The following STX8 variants were observed in gnomAD, a reference collection of about 807,000 sequenced individuals.
STX8 encodes syntaxin 8.
STX8 carries 23 observed loss-of-function variants against 37.5 expected under a neutral mutation model. That is an observed-to-expected ratio of 0.61 (90% CI 0.44 to 0.87). The LOEUF (loss-of-function observed/expected upper bound fraction) is 0.87, where lower values mean the gene tolerates loss of function less well. STX8 is among the 40% of genes least tolerant of loss of function. STX8 has a pLI of 0.00. For synonymous variants in STX8, 115 were observed against 99.1 expected (o/e 1.16, Z -0.95); for missense variants, 313 against 284.7 (o/e 1.10, Z -0.71).
rs189594481 is a variant in STX8, at chr17:9,355,441, C to A, written c.643+23111G>T. Among the ~76,000 whole-genome samples, 22 of 149,026 alleles carry A rather than the reference C, an allele frequency of 1.5e-4. No individual in the cohort carries two copies. In the East Asian group the frequency reaches 4.4e-3, roughly 30 times the overall value. On this transcript the variant is annotated intron_variant, in intron 7 of 7. Transcript: ENST00000306357. ...CCTTGACCTCCTGGGCTCAAGCAAT[C>A]TCCTCTCGCCTGTCTCCTGAATAGC... is the stretch of plus-strand genomic sequence containing the variant.
intron 6 of STX8, among the ~76,000 whole-genome samples, chr17:9,430,815 A>C (rs1415170626): frequency 6.6e-6 from 1 of 151,856 alleles, no homozygotes; most frequent in African/African-American, 2.4e-5. Context: ...ATGCCTGGCT[A>C]ATTTTTTGTA....
At position 9,433,173 on chromosome 17, in the gene STX8, C is replaced by T. The variant is rs113166880; in HGVS notation, c.542-54520G>A. Among the ~76,000 whole-genome samples, 73 of 152,320 alleles carry T rather than the reference C, an allele frequency of 4.8e-4. 1 individual carries two copies. The highest frequency in any genetic ancestry group is 9.1e-4 in the African/African-American group (38 of 41,576). ...TCATAATGCACTCCTAAGATTTATT[C>T]TTTGACACTAGCGTTTTGATGTGGA... On this transcript the variant is annotated intron_variant, in intron 6 of 7. Transcript: ENST00000306357.
At chr17:9,376,203 G>A (rs985233035) in intron 7 of STX8, among the ~76,000 whole-genome samples, 1 of 152,068 alleles carries the variant, frequency 6.6e-6, no homozygotes, top group Non-Finnish European at 1.5e-5. Flanking sequence ...ACCAATCAGC[G>A]CTCTGTGTCT....
At chr17:9,375,783 A>C (rs1474410418) in intron 7 of STX8, among the ~76,000 whole-genome samples, 1 of 152,186 alleles carries the variant, frequency 6.6e-6, no homozygotes, top group Non-Finnish European at 1.5e-5. Flanking sequence ...GCAATCATTT[A>C]TTTCTCATAA....
intron 7 of STX8, among the ~76,000 whole-genome samples, 156 bp from the exon 8 acceptor site, chr17:9,250,801 C>T (rs17675967): frequency 0.52 from 77,699 of 149,624 alleles, 21,055 homozygotes; most frequent in Non-Finnish European, 0.62. Context: ...TGGGGCGCCG[C>T]TGCTGCTACA....
chr17:9,284,254 T>C (rs1206431331), intron 7 of STX8, among the ~76,000 whole-genome samples: 1 of 152,254 alleles, frequency 6.6e-6, no homozygotes, highest in East Asian at 1.9e-4. Context: ...TACAATTGTA[T>C]GGTTTGTCTC....
intron 6 of STX8, among the ~76,000 whole-genome samples, chr17:9,404,745 G>A (rs550945578): frequency 2.6e-4 from 40 of 152,290 alleles, no homozygotes; most frequent in African/African-American, 9.4e-4. Flanking sequence ...GAGCCACTGC[G>A]CCTGGCCTGT....
chr17:9,337,697 A>G (rs368682554), intron 7 of STX8, among the ~76,000 whole-genome samples: 92 of 152,308 alleles, frequency 6.0e-4, no homozygotes, highest in African/African-American at 2.1e-3. Context: ...ATCCCCAGAT[A>G]CTGCGTCTGT....
intron 2 of STX8, among the ~76,000 whole-genome samples, chr17:9,567,565 T>C (rs564481648): frequency 6.6e-6 from 1 of 152,368 alleles, no homozygotes; most frequent in East Asian, 1.9e-4. Flanking sequence ...GGTGTTAGAT[T>C]TGAATCAGAG....
intron 6 of STX8, among the ~76,000 whole-genome samples, chr17:9,471,974 A>G (rs1333238620): frequency 2.0e-5 from 3 of 152,156 alleles, no homozygotes; most frequent in Non-Finnish European, 4.4e-5. Flanking sequence ...GCAAATACTC[A>G]ACTGATGTTC....
At chr17:9,295,585 T>C (rs1186684508) in intron 7 of STX8, among the ~76,000 whole-genome samples, 1 of 147,796 alleles carries the variant, frequency 6.8e-6, no homozygotes, top group Non-Finnish European at 1.5e-5. Context: ...CTACTAAAAA[T>C]ACAAAAAATT....
chr17:9,401,335 T>A (rs1361294602), intron 6 of STX8, among the ~76,000 whole-genome samples: 1 of 152,216 alleles, frequency 6.6e-6, no homozygotes, highest in Non-Finnish European at 1.5e-5. Flanking sequence ...TTTCAGTCGA[T>A]TTCATATAAA....
intron 6 of STX8, among the ~76,000 whole-genome samples, chr17:9,479,219 T>C (rs1906216452): frequency 6.6e-6 from 1 of 151,994 alleles, no homozygotes; most frequent in South Asian, 2.1e-4. Flanking sequence ...AATGAAAAAA[T>C]ATATATACTT....
chr17:9,403,244 G>A (rs1480351992), intron 6 of STX8, among the ~76,000 whole-genome samples: 1 of 152,148 alleles, frequency 6.6e-6, no homozygotes, highest in Non-Finnish European at 1.5e-5. Flanking sequence ...CACAGGTATG[G>A]GGGACTGGTG....
chr17:9,505,758 T>G (rs1904799175), intron 4 of STX8, among the ~76,000 whole-genome samples: 1 of 151,822 alleles, frequency 6.6e-6, no homozygotes, highest in Non-Finnish European at 1.5e-5. Flanking sequence ...CCGTCCAACA[T>G]GATGAAACCC....
chr17:9,335,430 C>T (rs1015126383), intron 7 of STX8, among the ~76,000 whole-genome samples: 16 of 152,186 alleles, frequency 1.1e-4, no homozygotes, highest in African/African-American at 3.1e-4. Context: ...GGGCACGGCC[C>T]TCATGATCTA....
chr17:9,434,881 A>G (rs966729180), intron 6 of STX8, among the ~76,000 whole-genome samples: 2 of 152,186 alleles, frequency 1.3e-5, no homozygotes, highest in African/African-American at 4.8e-5. Flanking sequence ...TGCATAGAAG[A>G]TAACTTTCAG....
intron 6 of STX8, among the ~76,000 whole-genome samples, chr17:9,419,961 A>G (rs1183254913): frequency 6.6e-6 from 1 of 152,236 alleles, no homozygotes; most frequent in Non-Finnish European, 1.5e-5. Context: ...TCATTTGACT[A>G]AACTACTGTG....
intron 6 of STX8, among the ~76,000 whole-genome samples, chr17:9,425,240 G>A (rs1368988001): frequency 2.0e-5 from 3 of 152,254 alleles, no homozygotes; most frequent in African/African-American, 4.8e-5. Context: ...GAGAAAGAAT[G>A]CCTTCTAGGT....
Sources: allele counts gnomAD v4.1 joint callset (sites outside exome capture counted in the v4.1 genomes callset), GRCh38; gene constraint gnomAD v4.1.1; transcripts MANE v1.5; gene names NCBI Gene and HGNC (gene_info 2026-07-23, HGNC 2026-07-21).